Variants in RIT2 observed in about 807,000 individuals in gnomAD.
The protein encoded by RIT2 is GTP-binding protein Rit2.
A neutral mutation model predicts 23.7 loss-of-function variants in RIT2; 24 were observed. The ratio of observed to expected loss-of-function variants is 1.01; its 90% CI spans 0.73 to 1.43. The LOEUF (loss-of-function observed/expected upper bound fraction) is 1.43. Ranked by LOEUF, RIT2 falls within the 40% of genes most tolerant of loss-of-function variation. The pLI, the probability that RIT2 is intolerant of heterozygous loss-of-function variation, is 0.00. For missense variants in RIT2, 236 were observed against 266.9 expected (o/e 0.88, Z 0.81); for synonymous variants, 107 against 91.1 (o/e 1.17, Z -0.99).
chr18:43,067,163 CAAAAGGT>C (rs1912789346), intron 1 of RIT2, among the ~76,000 whole-genome samples: 2 of 151,902 alleles, frequency 1.3e-5, no homozygotes, highest in Non-Finnish European at 2.9e-5. Context: ...AAATCATATT[CAAAAGGT>C]AAAACTAGTT....
chr18:43,041,264 A>C (rs2144294460), intron 1 of RIT2, among the ~76,000 whole-genome samples: 1 of 152,282 alleles, frequency 6.6e-6, no homozygotes, highest in African/African-American at 2.4e-5. Flanking sequence ...GGGTCTGAAT[A>C]TTTGCAATCT....
chr18:43,098,470 G>T (rs1388748216), intron 1 of RIT2, among the ~76,000 whole-genome samples: 1 of 151,860 alleles, frequency 6.6e-6, no homozygotes, highest in Non-Finnish European at 1.5e-5. Context: ...AACACACAGG[G>T]ATGTAAATAA....
At chr18:43,052,384 C>A (rs372839083) in intron 1 of RIT2, among the ~76,000 whole-genome samples, 4 of 151,968 alleles carry the variant, frequency 2.6e-5, no homozygotes, top group Admixed American at 6.6e-5. Flanking sequence ...TTGTGTTATC[C>A]AAGGCAATTT....
chr18:43,033,225 A>T (rs181502940), intron 2 of RIT2, among the ~76,000 whole-genome samples: 1 of 152,268 alleles, frequency 6.6e-6, no homozygotes, highest in African/African-American at 2.4e-5. Flanking sequence ...TTGTTCCCCA[A>T]TGCAAAACTT....
chr18:42,876,355 T>C (rs372615979), intron 4 of RIT2, among the ~76,000 whole-genome samples: 15,813 of 151,782 alleles, frequency 0.1, 942 homozygotes, highest in Middle Eastern at 0.24. Flanking sequence ...AAACTTTTTT[T>C]TTTTTTTTTC....
intron 1 of RIT2, among the ~76,000 whole-genome samples, chr18:43,101,790 T>C (rs1019852221): frequency 6.6e-6 from 1 of 152,206 alleles, no homozygotes; most frequent in Admixed American, 6.5e-5. Flanking sequence ...GGCAAATTTT[T>C]TTAAGGGCAG....
At chr18:42,982,769 T>C (rs1243875335) in intron 2 of RIT2, among the ~76,000 whole-genome samples, 1 of 152,114 alleles carries the variant, frequency 6.6e-6, no homozygotes, top group South Asian at 2.1e-4. Flanking sequence ...TAAATACTTA[T>C]GTGTATATTG....
intron 4 of RIT2, among the ~76,000 whole-genome samples, chr18:42,808,305 A>G (rs966424338): frequency 2.6e-5 from 4 of 152,190 alleles, no homozygotes; most frequent in Non-Finnish European, 5.9e-5. Flanking sequence ...GCTAAAACAC[A>G]TCAAGAGGAT....
chr18:42,875,165 A>G (rs1907713132), intron 4 of RIT2, among the ~76,000 whole-genome samples: 2 of 151,726 alleles, frequency 1.3e-5, no homozygotes, highest in African/African-American at 4.8e-5. Context: ...TTCTCATCCC[A>G]TATTTTCCTT....
chr18:42,931,984 A>C (rs1011811363), intron 3 of RIT2, among the ~76,000 whole-genome samples: 5 of 152,148 alleles, frequency 3.3e-5, no homozygotes, highest in African/African-American at 1.2e-4. Flanking sequence ...TCCACAATTA[A>C]ATTCATATTT....
At chr18:43,061,668 C>T (rs1020745020) in intron 1 of RIT2, among the ~76,000 whole-genome samples, 3 of 151,982 alleles carry the variant, frequency 2.0e-5, no homozygotes, top group Non-Finnish European at 4.4e-5. Context: ...TTTCCAAGAC[C>T]GTCCACAGAC....
At chr18:43,111,102 G>T (rs1913941754) in intron 1 of RIT2, among the ~76,000 whole-genome samples, 1 of 152,088 alleles carries the variant, frequency 6.6e-6, no homozygotes, top group Non-Finnish European at 1.5e-5. Context: ...ATACACAATG[G>T]AATACTATTC....
chr18:42,939,252 C>A (rs1296854453), intron 3 of RIT2, among the ~76,000 whole-genome samples: 1 of 152,088 alleles, frequency 6.6e-6, no homozygotes, highest in African/African-American at 2.4e-5. Flanking sequence ...TCTGACTCTG[C>A]CACTTCATAG....
chr18:42,829,661 T>A (rs987676088), intron 4 of RIT2, among the ~76,000 whole-genome samples: 8 of 152,080 alleles, frequency 5.3e-5, no homozygotes, highest in African/African-American at 1.9e-4. Context: ...AAAGTCAGCA[T>A]AAAGGGTAAT....
At chr18:42,954,228 A>C (rs1036517166) in intron 3 of RIT2, among the ~76,000 whole-genome samples, 1 of 151,914 alleles carries the variant, frequency 6.6e-6, no homozygotes, top group African/African-American at 2.4e-5. Context: ...AAATACAAAA[A>C]TTAGCCTGGC....
At chr18:42,889,394 GAATTATATTATATATAT>G (rs1304995896) in intron 4 of RIT2, among the ~76,000 whole-genome samples, 1 of 151,818 alleles carries the variant, frequency 6.6e-6, no homozygotes, top group African/African-American at 2.4e-5. Context: ...CACCTTAGAT[GAATTATATTATATATAT>G]AAAACTATAG....
chr18:42,920,621 T>C lies in RIT2; in HGVS notation c.426+2951A>G, dbSNP rs570512469. On this transcript the variant is annotated intron_variant, in intron 4 of 4. Coordinates refer to ENST00000326695, the MANE Select transcript of RIT2 (RefSeq NM_002930.4). Reference sequence around the variant, plus strand: ...ACTAAAACTCGTTGTCTTTTTGTTTTTTTTCTTTTTATCTTTTTTAGAAAG... The same window carrying C: ...ACTAAAACTCGTTGTCTTTTTGTTTCTTTTCTTTTTATCTTTTTTAGAAAG... 5.7e-4 allele frequency: 580 copies of C among 1,011,414 alleles called. 11 individuals are homozygous for C. The South Asian group carries it at 7.7e-3, about 13-fold the overall frequency. 62.7% of individuals were successfully genotyped at this position (1,011,414 alleles called of 1,614,324 possible).
intron 4 of RIT2, among the ~76,000 whole-genome samples, chr18:42,853,856 G>A (rs1322426372): frequency 2.0e-5 from 3 of 152,226 alleles, no homozygotes; most frequent in African/African-American, 7.2e-5. Context: ...TGCAATGCAT[G>A]TTTAGAAAAA....
chr18:43,005,847 T>C (rs1370455271), intron 2 of RIT2, among the ~76,000 whole-genome samples: 1 of 151,706 alleles, frequency 6.6e-6, no homozygotes, highest in African/African-American at 2.4e-5. Flanking sequence ...CAAAAACTAG[T>C]ACTCATTCAA....
Sources: allele counts gnomAD v4.1 joint callset (sites outside exome capture counted in the v4.1 genomes callset), GRCh38; gene constraint gnomAD v4.1.1; transcripts MANE v1.5; gene names NCBI Gene and HGNC (gene_info 2026-07-23, HGNC 2026-07-21).